MGRN1: variants seen among roughly 807,000 people sequenced by gnomAD.
MGRN1 encodes the protein E3 ubiquitin-protein ligase MGRN1.
Under a neutral mutation model 69.2 loss-of-function variants are expected in MGRN1, and 29 were observed. The observed-to-expected ratio is 0.42, with a 90% CI of 0.31 to 0.57. The LOEUF (loss-of-function observed/expected upper bound fraction) is 0.57. Among genes scored for constraint, MGRN1 ranks in the 20% least tolerant of loss-of-function variants. MGRN1 has a pLI of 0.15. For synonymous variants in MGRN1, 470 were observed against 344.2 expected (o/e 1.37, Z -4.04); for missense variants, 998 against 796.2 (o/e 1.25, Z -3.05).
intron 5 of MGRN1, chr16:4,658,996 C>G (rs2078615995): frequency 6.6e-6 from 1 of 152,012 alleles, no homozygotes; most frequent in Non-Finnish European, 1.5e-5. Flanking sequence ...GACCCTGTCT[C>G]AAAAGTAAGA....
intron 1 of MGRN1, among the ~76,000 whole-genome samples, chr16:4,645,813 CAG>C (rs1184431715): frequency 6.6e-6 from 1 of 152,102 alleles, no homozygotes; most frequent in African/African-American, 2.4e-5. Context: ...GGGACGCCAG[CAG>C]AGTTTTGAGG....
intron 4 of MGRN1, among the ~76,000 whole-genome samples, chr16:4,654,682 G>T (rs1183802199): frequency 6.6e-6 from 1 of 152,254 alleles, no homozygotes; most frequent in Non-Finnish European, 1.5e-5. Context: ...TGGAAGTTCG[G>T]GTGGGTGGTG....
intron 7 of MGRN1, among the ~76,000 whole-genome samples, chr16:4,666,950 C>A (rs529068910): frequency 6.6e-6 from 1 of 152,318 alleles, no homozygotes; most frequent in Non-Finnish European, 1.5e-5. Context: ...TGCTGAGAAC[C>A]TGGCGGAGGT....
At chr16:4,644,075 G>T (rs960744115) in intron 1 of MGRN1, among the ~76,000 whole-genome samples, 4 of 151,486 alleles carry the variant, frequency 2.6e-5, no homozygotes, top group Non-Finnish European at 5.9e-5. Flanking sequence ...CCTCCCAGAT[G>T]CAAGCAATTC....
At chr16:4,657,385 C>A (rs2078570297) in intron 5 of MGRN1, 22 bp downstream of exon 5, 1 of 1,604,982 alleles carries the variant, frequency 6.2e-7, no homozygotes, top group African/African-American at 1.3e-5. Flanking sequence ...TGGGCGGCTC[C>A]TTGCCCTTCG....
chr16:4,645,573 A>C (rs892352556), intron 1 of MGRN1, among the ~76,000 whole-genome samples: 1 of 152,184 alleles, frequency 6.6e-6, no homozygotes, highest in African/African-American at 2.4e-5. Context: ...AAGGCTGGAA[A>C]GGGGAGTGGA....
At chr16:4,657,977 T>C (rs757045604) in intron 5 of MGRN1, among the ~76,000 whole-genome samples, 12 of 151,200 alleles carry the variant, frequency 7.9e-5, no homozygotes, top group South Asian at 6.3e-4. Context: ...CTCCTGACCT[T>C]GTGATCCGCC....
chr16:4,655,501 T>C (rs2078515579), intron 4 of MGRN1, among the ~76,000 whole-genome samples: 1 of 151,432 alleles, frequency 6.6e-6, no homozygotes, highest in Non-Finnish European at 1.5e-5. Context: ...TCCCCCTCTG[T>C]CAGGACCTGG....
chr16:4,688,509 A>C (rs2079385715), intron 16 of MGRN1: 47 of 1,197,862 alleles, frequency 3.9e-5, no homozygotes, highest in Non-Finnish European at 4.6e-5. Flanking sequence ...CCCAGAGGGC[A>C]TCCACCGCGG....
At chr16:4,645,567 C>T (rs912743709) in intron 1 of MGRN1, among the ~76,000 whole-genome samples, 7 of 152,112 alleles carry the variant, frequency 4.6e-5, no homozygotes, top group African/African-American at 7.2e-5. Flanking sequence ...AAGAATAAGG[C>T]TGGAAAGGGG....
intron 8 of MGRN1, among the ~76,000 whole-genome samples, chr16:4,668,536 CACAT>C (rs775530861): frequency 9.2e-5 from 14 of 151,996 alleles, no homozygotes; most frequent in East Asian, 5.8e-4. Context: ...CACAGACACA[CACAT>C]ACACACATAA....
At chr16:4,634,060 C>G (rs565092267) in intron 1 of MGRN1, among the ~76,000 whole-genome samples, 1 of 152,192 alleles carries the variant, frequency 6.6e-6, no homozygotes, top group Non-Finnish European at 1.5e-5. Flanking sequence ...TGGGGGCAAC[C>G]CTGTAGGCGT....
intron 1 of MGRN1, among the ~76,000 whole-genome samples, chr16:4,645,807 C>T (rs1048249858): frequency 6.6e-6 from 1 of 152,018 alleles, no homozygotes; most frequent in African/African-American, 2.4e-5. Context: ...GTGGCTGGGA[C>T]GCCAGCAGAG....
At chr16:4,638,459 C>T (rs959937609) in intron 1 of MGRN1, among the ~76,000 whole-genome samples, 6 of 149,900 alleles carry the variant, frequency 4.0e-5, no homozygotes, top group East Asian at 3.9e-4. Context: ...AGCGAGAGTC[C>T]GTCTCAAAAA....
At position 4,680,077 on chromosome 16, in the gene MGRN1, A is replaced by T; in HGVS notation, c.1111A>T (p.Lys371Ter). 1 of 1,614,080 alleles carries T rather than the reference A, an allele frequency of 6.2e-7. No individual in the cohort carries two copies. The highest frequency in any genetic ancestry group is 1.1e-5 in the South Asian group (1 of 91,074). ...GCCGCACCCCGCCTCCCTGGCCAGC[A>T]AGAAACCTAAAAGGGAAACAGTAAG... The part of the protein sequence containing the change: ...SKPHPASLAS[K>*]KPKRETNSDS... Residue 371 changes from lysine (K) to a stop codon, truncating the protein, a stop_gained, in exon 12 of 17, where the codon AAG becomes TAG. Transcript: ENST00000262370. LOFTEE classifies it high-confidence loss of function.
At position 4,681,727 on chromosome 16, in the gene MGRN1, C is replaced by T. The variant is rs372204809; in HGVS notation, c.1309C>T (p.Leu437=). Residue 437 remains leucine (L), a synonymous_variant, in exon 13 of 17, where the codon CTG becomes TTG. Transcript: ENST00000262370. ...SCPLAAIDHI[L]DSSRQKGRPQ... ...TCCCCTCGCGGCTATCGACCACATCCTGGACAGCAGCCGCCAGAAGGGCAG... is the reference window on the plus strand; with the variant it reads ...TCCCCTCGCGGCTATCGACCACATCTTGGACAGCAGCCGCCAGAAGGGCAG... 8.1e-6 allele frequency: 13 copies of T among 1,612,982 alleles called. No homozygotes were observed. Among genetic ancestry groups the T allele is most frequent in the Non-Finnish European group, 1.0e-5 (12 of 1,179,854 alleles).
intron 5 of MGRN1, among the ~76,000 whole-genome samples, chr16:4,658,340 C>T (rs1021380743): frequency 1.3e-5 from 2 of 150,126 alleles, no homozygotes; most frequent in Admixed American, 1.3e-4. Flanking sequence ...TCAAGACCAT[C>T]CTGGCTAACA....
intron 16 of MGRN1, chr16:4,686,708 G>A (rs2079327673): frequency 9.8e-7 from 1 of 1,024,126 alleles, no homozygotes; most frequent in East Asian, 9.2e-5. Context: ...GGGAGACATG[G>A]GGTGAGCGTC....
intron 1 of MGRN1, chr16:4,633,740 C>T (rs993412261): frequency 4.6e-5 from 7 of 151,892 alleles, no homozygotes; most frequent in Admixed American, 2.0e-4. Context: ...ATTATTGAGA[C>T]GGAGTCTCAC....
Sources: gnomAD v4.1 joint callset for allele counts (sites outside exome capture counted in the v4.1 genomes callset) on GRCh38, gnomAD v4.1.1 for gene constraint, MANE v1.5 for transcripts, NCBI Gene and HGNC (gene_info 2026-07-23, HGNC 2026-07-21) for gene names.